Variants in CACNA1C observed in about 807,000 individuals in gnomAD.
CACNA1C encodes calcium voltage-gated channel subunit alpha1 C.
A neutral mutation model predicts 229.0 loss-of-function variants in CACNA1C; 30 were observed. The observed-to-expected ratio is 0.13, with a 90% CI of 0.10 to 0.18. The LOEUF is 0.18. CACNA1C is among the 10% of genes least tolerant of loss of function. The pLI is 1.00. For missense variants in CACNA1C, 1,658 were observed against 2,845.0 expected, an observed-to-expected ratio of 0.58 and a Z score of 9.49; for synonymous variants, 1,114 against 1,132.5, an observed-to-expected ratio of 0.98 and a Z score of 0.33.
intron 3 of CACNA1C, among the ~76,000 whole-genome samples, chr12:2,370,621 GTATC>G (rs1450500902): frequency 7.9e-5 from 12 of 152,106 alleles, no homozygotes; most frequent in African/African-American, 2.9e-4. Context: ...AATATGCATA[GTATC>G]ACATTTTTGT....
chr12:2,249,933 C>T (rs1465546691), intron 3 of CACNA1C, among the ~76,000 whole-genome samples: 4 of 152,156 alleles, frequency 2.6e-5, no homozygotes, highest in Non-Finnish European at 4.4e-5. Context: ...CTCAGTCTCT[C>T]GAGTAGCTGA....
Position 2,602,734 on chromosome 12 carries a change from C to T in CACNA1C, c.2960+774C>T, listed in dbSNP as rs1446902801. ...TGAGTTCTAAGAGCTTTCCAGGTGA[C>T]TCCCCTGTACAGCCAAGCTTGCAGT... is the stretch of plus-strand genomic sequence containing the variant. On this transcript the variant is annotated intron_variant, in intron 22 of 46. Coordinates refer to ENST00000399655, the MANE Select transcript of CACNA1C (RefSeq NM_000719.7). The surrounding 1 kb of genome is among the most constrained non-coding windows in gnomAD (Gnocchi z 4.4). Among the ~76,000 whole-genome samples, 3 of 151,726 alleles carry T rather than the reference C, an allele frequency of 2.0e-5. No individual in the cohort carries two copies. Among genetic ancestry groups the T allele is most frequent in the African/African-American group, 7.3e-5 (3 of 41,260 alleles).
At chr12:2,628,635 A>G (rs1475594470) in intron 29 of CACNA1C, among the ~76,000 whole-genome samples, 8 of 152,176 alleles carry the variant, frequency 5.3e-5, no homozygotes, top group Non-Finnish European at 1.0e-4. Flanking sequence ...GACCGGGCGC[A>G]GTGGCTCACA....
chr12:2,632,347 T>C lies in CACNA1C; in HGVS notation c.3829-1950T>C, dbSNP rs2090856285. 6.6e-6 allele frequency among the ~76,000 whole-genome samples: 1 copy of C among 151,736 alleles called. No individual in the cohort carries two copies. The highest frequency in any genetic ancestry group is 2.1e-4 in the South Asian group (1 of 4,802). ...GGGGTGTATGGGGAATATGATCGCCTGTAGCTGGGGGTGTATGCACCCATT... is the reference window on the plus strand; with the variant it reads ...GGGGTGTATGGGGAATATGATCGCCCGTAGCTGGGGGTGTATGCACCCATT... On this transcript the variant is annotated intron_variant, in intron 29 of 46. Coordinates refer to ENST00000399655, the MANE Select transcript of CACNA1C (RefSeq NM_000719.7). The surrounding 1 kb of genome is among the most constrained non-coding windows in gnomAD (Gnocchi z 4.1).
chr12:2,112,927 C>T (rs2082326053), intron 1 of CACNA1C, among the ~76,000 whole-genome samples: 1 of 152,208 alleles, frequency 6.6e-6, no homozygotes, highest in Non-Finnish European at 1.5e-5. Context: ...GACAGCCCCA[C>T]CAGGTCCAAG....
chr12:2,684,839 A>G (rs1460364504), intron 43 of CACNA1C, among the ~76,000 whole-genome samples: 1 of 152,216 alleles, frequency 6.6e-6, no homozygotes, highest in Non-Finnish European at 1.5e-5. Flanking sequence ...TCTGCACTCT[A>G]CCAGCCTTCC....
intron 9 of CACNA1C, among the ~76,000 whole-genome samples, chr12:2,521,569 G>C (rs925076899): frequency 6.6e-6 from 1 of 152,136 alleles, no homozygotes; most frequent in Non-Finnish European, 1.5e-5. Context: ...CATCTTCCGA[G>C]CCCACTTCTC....
At chr12:2,028,294 AC>A (rs1254943556) in intron 1 of CACNA1C, among the ~76,000 whole-genome samples, 2 of 152,112 alleles carry the variant, frequency 1.3e-5, no homozygotes, top group Non-Finnish European at 2.9e-5. Context: ...AGCCAGAACA[AC>A]CCCATGCTTG....
rs749155047 is a variant in CACNA1C, at chr12:2,486,311, C to G, written c.916+49C>G. The G allele has an allele frequency of 6.6e-7, 1 of 1,519,132 alleles. No homozygotes were observed. Among genetic ancestry groups the G allele is most frequent in the South Asian group, 1.2e-5 (1 of 81,360 alleles). 94.1% of individuals were successfully genotyped at this position (1,519,132 alleles called of 1,614,324 possible). On this transcript the variant is annotated intron_variant, in intron 6 of 46. Transcript: ENST00000399655. This position sits in a 1 kb window ranked among gnomAD's most constrained non-coding sequence, Gnocchi z 4.9. ...TCCCAAGGCCCTGCCCTCTATCGCT[C>G]CCAGCACCTTTCCCGCTGCTGGCTA...
intron 1 of CACNA1C, among the ~76,000 whole-genome samples, chr12:2,090,395 G>A (rs1256114627): frequency 7.8e-6 from 1 of 128,424 alleles, no homozygotes; most frequent in African/African-American, 3.0e-5. Context: ...TCGGCTCACT[G>A]CAACCTCGGT....
intron 9 of CACNA1C, among the ~76,000 whole-genome samples, chr12:2,528,503 T>G (rs1177828473): frequency 3.9e-5 from 6 of 152,230 alleles, no homozygotes; most frequent in Non-Finnish European, 7.3e-5. Context: ...CTCTGCACAC[T>G]TGTGCACACC....
chr12:2,038,297 C>T (rs979945928), intron 1 of CACNA1C, among the ~76,000 whole-genome samples: 5 of 152,128 alleles, frequency 3.3e-5, no homozygotes, highest in Admixed American at 6.5e-5. Context: ...ATTCGAGTCA[C>T]GGTGGCACTC....
At chr12:2,690,623 G>A (rs374141388) in intron 46 of CACNA1C, among the ~76,000 whole-genome samples, 25 of 152,162 alleles carry the variant, frequency 1.6e-4, no homozygotes, top group Admixed American at 9.8e-4. Context: ...GTGAGCCACC[G>A]TGCTGGGCCA....
chr12:2,101,246 G>A (rs2076312030), intron 1 of CACNA1C, among the ~76,000 whole-genome samples: 1 of 152,186 alleles, frequency 6.6e-6, no homozygotes, highest in Non-Finnish European at 1.5e-5. Flanking sequence ...TTCACACCGT[G>A]ACGAGTACCC....
intron 3 of CACNA1C, among the ~76,000 whole-genome samples, chr12:2,311,744 C>T (rs901102506): frequency 2.6e-5 from 4 of 152,236 alleles, no homozygotes; most frequent in African/African-American, 9.6e-5. Context: ...GCATCTCATA[C>T]TTGCCTGATA....
rs1045439104 is a variant in CACNA1C at position 2,067,197 on chromosome 12, G to A, written c.49+13586G>A. ...CGAGCTGGTGTGGGAGAATCAAGGTGGCCAGTGGGATGCAGGAGCCAGGAT... is the reference window on the plus strand; with the variant it reads ...CGAGCTGGTGTGGGAGAATCAAGGTAGCCAGTGGGATGCAGGAGCCAGGAT... On this transcript the variant is annotated intron_variant, in intron 1 of 46. Transcript: ENST00000399655. The surrounding 1 kb of genome is among the most constrained non-coding windows in gnomAD (Gnocchi z 5.3). Among the ~76,000 whole-genome samples the A allele has an allele frequency of 1.3e-5, 2 of 152,134 alleles. No homozygotes were observed. Among genetic ancestry groups the A allele is most frequent in the African/African-American group, 4.8e-5 (2 of 41,430 alleles).
chr12:2,680,445 C>T, intron 42 of CACNA1C: 3 of 1,561,764 alleles, frequency 1.9e-6, no homozygotes, highest in Non-Finnish European at 2.6e-6. Context: ...TCTGCATCAG[C>T]AGCTCCAGGG....
At position 2,504,789 on chromosome 12, in the gene CACNA1C, G is replaced by A; in HGVS notation, c.1114-53G>A. 7.2e-6 allele frequency: 8 copies of A among 1,108,370 alleles called. No homozygotes were observed. Among genetic ancestry groups the A allele is most frequent in the Non-Finnish European group, 6.9e-6 (5 of 725,418 alleles). 68.7% of individuals were successfully genotyped at this position (1,108,370 alleles called of 1,614,324 possible). ...GTCTCGGGAGCCGGGGACCGGCACT[G>A]GCCGTGCTCGGTTGCTGAGTGTGCC... On this transcript the variant is annotated intron_variant, in intron 7 of 46. Transcript: ENST00000399655. The surrounding 1 kb of genome is among the most constrained non-coding windows in gnomAD (Gnocchi z 6.8).
At chr12:2,462,093 C>T (rs978597374) in intron 5 of CACNA1C, among the ~76,000 whole-genome samples, 1 of 152,036 alleles carries the variant, frequency 6.6e-6, no homozygotes, top group Non-Finnish European at 1.5e-5. Context: ...CCCTCCTCTC[C>T]CTCCTCACCA....
Sources: allele counts gnomAD v4.1 joint callset (sites outside exome capture counted in the v4.1 genomes callset), GRCh38; gene constraint gnomAD v4.1.1; non-coding constraint Gnocchi (gnomAD v3.1); transcripts MANE v1.5; gene names NCBI Gene and HGNC (gene_info 2026-07-23, HGNC 2026-07-21).